ROBO1: variants seen among roughly 807,000 people sequenced by gnomAD.
The protein encoded by ROBO1 is roundabout homolog 1.
ROBO1 carries 149 observed loss-of-function variants against 195.9 expected under a neutral mutation model. The ratio of observed to expected loss-of-function variants is 0.76; its 90% CI spans 0.67 to 0.87. The LOEUF (loss-of-function observed/expected upper bound fraction) is 0.87. Ranked by LOEUF, ROBO1 falls within the 40% of genes least tolerant of loss-of-function variation. The probability of loss-of-function intolerance (pLI) is 0.00; values close to 1 mark genes in which losing one functional copy is unlikely to be tolerated. For synonymous variants in ROBO1, 816 were observed against 733.2 expected (o/e 1.11, Z -1.82); for missense variants, 1,933 against 2,068.3 (o/e 0.93, Z 1.27).
At chr3:79,462,482 A>C (rs535673807) in intron 2 of ROBO1, among the ~76,000 whole-genome samples, 2 of 152,358 alleles carry the variant, frequency 1.3e-5, no homozygotes, top group South Asian at 4.1e-4. Flanking sequence ...ACATCAAATG[A>C]CAACGGAGAG....
chr3:79,311,570 G>A (rs2033484765), intron 2 of ROBO1, among the ~76,000 whole-genome samples: 1 of 152,130 alleles, frequency 6.6e-6, no homozygotes, highest in Non-Finnish European at 1.5e-5. Flanking sequence ...AGAAGACATA[G>A]AGATCTAGGT....
intron 4 of ROBO1, among the ~76,000 whole-genome samples, chr3:78,797,890 G>A (rs186775078): frequency 6.6e-6 from 1 of 152,210 alleles, no homozygotes; most frequent in African/African-American, 2.4e-5. Context: ...TGACCTGTTT[G>A]TATATATAAT....
intron 2 of ROBO1, among the ~76,000 whole-genome samples, chr3:79,510,340 G>A (rs753139420): frequency 1.3e-5 from 2 of 152,134 alleles, no homozygotes; most frequent in Non-Finnish European, 2.9e-5. Flanking sequence ...ATGAAGAGGT[G>A]CCTTCTGCCA....
intron 2 of ROBO1, among the ~76,000 whole-genome samples, chr3:79,234,444 T>C (rs1207088988): frequency 6.6e-6 from 1 of 151,976 alleles, no homozygotes; most frequent in Admixed American, 6.6e-5. Flanking sequence ...ATAGGGAGTC[T>C]TTTCCTAATA....
intron 8 of ROBO1, among the ~76,000 whole-genome samples, chr3:78,693,619 C>A (rs1014229976): frequency 1.3e-5 from 2 of 152,056 alleles, no homozygotes; most frequent in African/African-American, 4.8e-5. Context: ...TGAATGAGAG[C>A]TATAAAATTA....
chr3:78,676,746 A>C (rs1269704508), intron 10 of ROBO1, among the ~76,000 whole-genome samples: 1 of 152,184 alleles, frequency 6.6e-6, no homozygotes, highest in Non-Finnish European at 1.5e-5. Flanking sequence ...GTTGAAAAAC[A>C]CTCTGCAGGA....
At chr3:79,124,128 ACGGT>A (rs2080170890) in intron 3 of ROBO1, among the ~76,000 whole-genome samples, 2 of 152,030 alleles carry the variant, frequency 1.3e-5, no homozygotes, top group African/African-American at 4.8e-5. Flanking sequence ...TTTGGTATTG[ACGGT>A]ATTAAGGGAT....
At chr3:79,015,195 G>A (rs558771878) in intron 3 of ROBO1, among the ~76,000 whole-genome samples, 80 of 152,206 alleles carry the variant, frequency 5.3e-4, no homozygotes, top group African/African-American at 1.8e-3. Context: ...ATTCAAGTAT[G>A]TACATTTAAA....
At chr3:78,769,945 G>T (rs911048407) in intron 4 of ROBO1, among the ~76,000 whole-genome samples, 27 of 152,100 alleles carry the variant, frequency 1.8e-4, no homozygotes, top group African/African-American at 6.5e-4. Context: ...TGAGAAATCT[G>T]CTATTAATCT....
chr3:79,184,287 T>G (rs974844025), intron 2 of ROBO1, among the ~76,000 whole-genome samples: 10 of 152,164 alleles, frequency 6.6e-5, no homozygotes, highest in African/African-American at 2.4e-4. Context: ...GGGCCTCTTT[T>G]TAAAAAGACA....
rs142613547 is a variant in ROBO1, at chr3:78,831,521, G to A, written c.500-84621C>T. Among the ~76,000 whole-genome samples the A allele has an allele frequency of 2.6e-3, 397 of 152,244 alleles. 2 individuals carry two copies. Among genetic ancestry groups the A allele is most frequent in the African/African-American group, 8.2e-3 (341 of 41,538 alleles). On this transcript the variant is annotated intron_variant, in intron 4 of 30. Transcript: ENST00000464233. ...CATTTGTTAACTAATAAAATACACA[G>A]CACAGATGTTCAGTTGTGCACAGTA...
chr3:78,611,618 G>A (rs1354832435), intron 28 of ROBO1, among the ~76,000 whole-genome samples: 2 of 152,200 alleles, frequency 1.3e-5, no homozygotes, highest in Non-Finnish European at 2.9e-5. Context: ...GCAGAGCAAG[G>A]TTTGGCCACA....
At chr3:79,626,659 G>T (rs1945189790) in intron 1 of ROBO1, among the ~76,000 whole-genome samples, 1 of 152,088 alleles carries the variant, frequency 6.6e-6, no homozygotes, top group African/African-American at 2.4e-5. Flanking sequence ...GGGCAATTAG[G>T]CAAGAGAAAG....
rs1559690417 is a variant in ROBO1 at position 78,646,131 on chromosome 3, A to T, written c.2882+17T>A. On this transcript the variant is annotated intron_variant, in intron 21 of 30. Transcript: ENST00000464233. ...TGGAATTCCCTGTAGGATCTACAAA[A>T]CAAGCAAGATAATTACCTCCCTCCA... 1 of 1,603,846 alleles carries T rather than the reference A, an allele frequency of 6.2e-7. No homozygotes were observed. Among genetic ancestry groups the T allele is most frequent in the East Asian group, 2.2e-5 (1 of 44,730 alleles).
intron 4 of ROBO1, among the ~76,000 whole-genome samples, chr3:78,926,025 C>A (rs1036490503): frequency 3.9e-5 from 6 of 152,102 alleles, no homozygotes; most frequent in Admixed American, 2.6e-4. Context: ...TGCCCACCCC[C>A]ACACATGGCT....
chr3:79,284,339 C>T (rs2031744720), intron 2 of ROBO1, among the ~76,000 whole-genome samples: 1 of 151,994 alleles, frequency 6.6e-6, no homozygotes, highest in Non-Finnish European at 1.5e-5. Context: ...CTTAAGTTTC[C>T]TTCAGAAAAC....
At chr3:79,751,164 A>G (rs1464444308) in intron 1 of ROBO1, among the ~76,000 whole-genome samples, 5 of 152,146 alleles carry the variant, frequency 3.3e-5, no homozygotes, top group African/African-American at 1.2e-4. Context: ...TAATATTTTA[A>G]TTTGTTTTGG....
At chr3:78,819,322 A>G (rs2030581367) in intron 4 of ROBO1, among the ~76,000 whole-genome samples, 1 of 152,102 alleles carries the variant, frequency 6.6e-6, no homozygotes, top group African/African-American at 2.4e-5. Context: ...CCCCAAAGTC[A>G]TAAAACTTCA....
intron 2 of ROBO1, among the ~76,000 whole-genome samples, chr3:79,350,255 C>A (rs1466416761): frequency 6.6e-6 from 1 of 152,136 alleles, no homozygotes; most frequent in African/African-American, 2.4e-5. Context: ...GATAGCAATT[C>A]ACATGCACTA....
Sources: allele counts gnomAD v4.1 joint callset (sites outside exome capture counted in the v4.1 genomes callset), GRCh38; gene constraint gnomAD v4.1.1; transcripts MANE v1.5; gene names NCBI Gene and HGNC (gene_info 2026-07-23, HGNC 2026-07-21).